Variants in AK8 observed in about 807,000 individuals in gnomAD.
AK8 encodes the protein adenylate kinase 8.
In AK8, 44 loss-of-function variants were observed where a neutral mutation model predicts 54.6. The observed-to-expected ratio is 0.81, with a 90% CI of 0.63 to 1.04. The LOEUF (loss-of-function observed/expected upper bound fraction) is 1.04, where lower values mean the gene tolerates loss of function less well. Ranked by LOEUF, AK8 falls within the 50% of genes least tolerant of loss-of-function variation. The pLI is 0.00. For synonymous variants in AK8, 239 were observed against 245.6 expected, an observed-to-expected ratio of 0.97 and a Z score of 0.25; for missense variants, 555 against 613.6, an observed-to-expected ratio of 0.90 and a Z score of 1.01.
At chr9:132,832,139 C>G (rs113258559) in intron 5 of AK8, among the ~76,000 whole-genome samples, 3,079 of 112,980 alleles carry the variant, frequency 0.027, 73 homozygotes, top group Non-Finnish European at 0.04. Flanking sequence ...GTAGCCTCCA[C>G]TGACATTTAA....
rs963243814 is a variant in AK8 at position 132,789,219 on chromosome 9, C to T, written c.1121+3415G>A. Among the ~76,000 whole-genome samples the T allele has an allele frequency of 7.2e-5, 11 of 152,018 alleles. 1 individual carries two copies. The highest frequency in any genetic ancestry group is 6.2e-4 in the South Asian group (3 of 4,812). ...CTGAGGCAGGAGAATGGCGTGAACC[C>T]GGGAGGCAGAGCTTACAGTGAGCCA... On this transcript the variant is annotated intron_variant, in intron 11 of 12. Transcript: ENST00000298545.
chr9:132,812,509 G>A (rs188362091), intron 10 of AK8, among the ~76,000 whole-genome samples: 1,595 of 148,550 alleles, frequency 0.011, 21 homozygotes, highest in South Asian at 0.046. Context: ...AAAGTGCTGG[G>A]ATGACAGGGG....
rs570378493 is a variant in AK8 at position 132,819,346 on chromosome 9, G to C, written c.889+3859C>G. Among the ~76,000 whole-genome samples the C allele has an allele frequency of 1.1e-4, 17 of 152,228 alleles. 1 individual carries two copies. The highest frequency in any genetic ancestry group is 5.9e-4 in the Admixed American group (9 of 15,290). ...TATGTAGGTTATATGCAAATACTAC[G>C]CCATTTTGTATCAGAGACTGGAACA... On this transcript the variant is annotated intron_variant, in intron 9 of 12. Transcript: ENST00000298545.
At chr9:132,755,314 A>C (rs889196746) in intron 11 of AK8, among the ~76,000 whole-genome samples, 2 of 151,836 alleles carry the variant, frequency 1.3e-5, no homozygotes, top group African/African-American at 2.4e-5. Flanking sequence ...GGTGCCCCCT[A>C]CCCTGCACAC....
At chr9:132,844,728 A>G (rs932862488) in intron 5 of AK8, among the ~76,000 whole-genome samples, 25 of 152,230 alleles carry the variant, frequency 1.6e-4, no homozygotes, top group Non-Finnish European at 7.3e-5. Flanking sequence ...CATGATCAGA[A>G]TCACAGAACT....
intron 10 of AK8, among the ~76,000 whole-genome samples, chr9:132,807,981 C>T (rs1303205611): frequency 3.3e-5 from 5 of 151,860 alleles, no homozygotes; most frequent in African/African-American, 9.7e-5. Flanking sequence ...GATCTAGTAG[C>T]GCCTTTGCTT....
intron 5 of AK8, among the ~76,000 whole-genome samples, chr9:132,838,789 C>T (rs576451252): frequency 3.9e-5 from 6 of 152,258 alleles, no homozygotes; most frequent in African/African-American, 1.4e-4. Context: ...AGAACATTTG[C>T]TGGTGCACAG....
rs997430219 is a variant in AK8, at chr9:132,799,796, C to T, written c.980-7021G>A. Among the ~76,000 whole-genome samples, 5 of 152,154 alleles carry T rather than the reference C, an allele frequency of 3.3e-5. No individual in the cohort carries two copies. Among genetic ancestry groups the T allele is most frequent in the African/African-American group, 1.2e-4 (5 of 41,428 alleles). Reference sequence around the variant, plus strand: ...TCCCTCACATTCGCTTCAAACTGCCCGGTGTAACTTCTTTCCTTCTTCAAG... The same window carrying T: ...TCCCTCACATTCGCTTCAAACTGCCTGGTGTAACTTCTTTCCTTCTTCAAG... On this transcript the variant is annotated intron_variant, in intron 10 of 12. Coordinates refer to ENST00000298545, the MANE Select transcript of AK8 (RefSeq NM_152572.3). The surrounding 1 kb of genome is among the most constrained non-coding windows in gnomAD (Gnocchi z 5.0).
At chr9:132,744,997 C>T (rs1409422686) in intron 11 of AK8, among the ~76,000 whole-genome samples, 1 of 152,002 alleles carries the variant, frequency 6.6e-6, no homozygotes, top group African/African-American at 2.4e-5. Flanking sequence ...GAGACGGGTC[C>T]GGGCTGCTGA....
intron 5 of AK8, among the ~76,000 whole-genome samples, chr9:132,833,388 A>G (rs900725457): frequency 6.6e-6 from 1 of 152,210 alleles, no homozygotes; most frequent in African/African-American, 2.4e-5. Flanking sequence ...GACATTCCCA[A>G]CAAGCCTGTG....
intron 2 of AK8, among the ~76,000 whole-genome samples, chr9:132,873,954 G>C (rs533197973): frequency 6.6e-6 from 1 of 152,298 alleles, no homozygotes; most frequent in South Asian, 2.1e-4. Flanking sequence ...GTCGCTGCAG[G>C]GCAGAGTAAA....
At chr9:132,813,565 G>C (rs1416094973) in intron 10 of AK8, among the ~76,000 whole-genome samples, 2 of 152,260 alleles carry the variant, frequency 1.3e-5, no homozygotes, top group African/African-American at 4.8e-5. Flanking sequence ...ACTGACTGCA[G>C]GGAGGAGCTG....
At chr9:132,794,052 G>A (rs1044379608) in intron 10 of AK8, among the ~76,000 whole-genome samples, 12 of 152,188 alleles carry the variant, frequency 7.9e-5, no homozygotes, top group Non-Finnish European at 1.3e-4. Context: ...CCCTGTGGCC[G>A]TGACTTGCTG....
At chr9:132,737,105 C>A (rs956183321) in intron 11 of AK8, among the ~76,000 whole-genome samples, 8 of 152,126 alleles carry the variant, frequency 5.3e-5, no homozygotes, top group African/African-American at 1.9e-4. Context: ...TAAACTTACA[C>A]TTAAAGATGG....
At chr9:132,787,086 GA>G (rs1839741338) in intron 11 of AK8, among the ~76,000 whole-genome samples, 1 of 151,754 alleles carries the variant, frequency 6.6e-6, no homozygotes, top group South Asian at 2.1e-4. Context: ...AGCAGCAACT[GA>G]CCACACACAC....
chr9:132,756,620 A>C (rs968064756), intron 11 of AK8, among the ~76,000 whole-genome samples: 1 of 152,202 alleles, frequency 6.6e-6, no homozygotes, highest in East Asian at 1.9e-4. Flanking sequence ...GCACCCTCTC[A>C]CGGGAAATGC....
chr9:132,772,634 T>C (rs955788565), intron 11 of AK8, among the ~76,000 whole-genome samples: 6 of 152,166 alleles, frequency 3.9e-5, no homozygotes, highest in African/African-American at 1.2e-4. Flanking sequence ...AGCAAACCAG[T>C]AGATTTCTAA....
chr9:132,807,875 C>T (rs1840793208), intron 10 of AK8, among the ~76,000 whole-genome samples: 1 of 152,086 alleles, frequency 6.6e-6, no homozygotes, highest in Non-Finnish European at 1.5e-5. Flanking sequence ...ATTTCAAACA[C>T]ACTTCGGTAG....
Position 132,725,823 on chromosome 9 carries a change from C to T in AK8, c.1305G>A (p.Leu435=). The change falls in exon 13 of 13, where the codon CTG becomes CTA. Residue 435 remains leucine, a synonymous_variant. Coordinates refer to ENST00000298545, the MANE Select transcript of AK8 (RefSeq NM_152572.3). The stretch of plus-strand genomic sequence containing the variant: ...CCAAGTCAGCTGAGTTCCTGTAGAA[C>T]AGGTCCATTTTCAGCTTGACCTGCT... ...AEEQVKLKMD[L]FYRNSADLEQ... is the part of the protein sequence containing the mutation. 1 of 1,607,690 alleles carries T rather than the reference C, an allele frequency of 6.2e-7. No individual in the cohort carries two copies. Among genetic ancestry groups the T allele is most frequent in the Non-Finnish European group, 8.5e-7 (1 of 1,177,462 alleles).
Sources: allele counts gnomAD v4.1 joint callset (sites outside exome capture counted in the v4.1 genomes callset), GRCh38; gene constraint gnomAD v4.1.1; non-coding constraint Gnocchi (gnomAD v3.1); transcripts MANE v1.5; gene names NCBI Gene and HGNC (gene_info 2026-07-23, HGNC 2026-07-21).